Variants in GPC3 observed in about 807,000 individuals in gnomAD.
The protein encoded by GPC3 is glypican 3, also known as glypican-3.
A neutral mutation model predicts 34.4 loss-of-function variants in GPC3; 3 were observed. The observed-to-expected ratio is 0.09, with a 90% CI of 0.04 to 0.23. GPC3 has a LOEUF of 0.23. GPC3 is among the 10% of genes least tolerant of loss of function. The pLI is 1.00. For synonymous variants in GPC3, 177 were observed against 174.0 expected (o/e 1.02, Z -0.13); for missense variants, 351 against 445.6 (o/e 0.79, Z 1.91).
At chrX:133,603,827 A>T (rs1005716792) in intron 6 of GPC3, among the ~76,000 whole-genome samples, 10 of 112,141 alleles carry the variant, frequency 8.9e-5, no homozygotes, top group Non-Finnish European at 1.9e-4. Context: ...ACAAAAGGGT[A>T]TGGCAGCATG....
At chrX:133,880,693 C>T (rs2076037952) in intron 2 of GPC3, among the ~76,000 whole-genome samples, 1 of 111,708 alleles carries the variant, frequency 9.0e-6, no homozygotes, top group African/African-American at 3.2e-5. Context: ...ATCCAAAGAT[C>T]AGGAAAAAAG....
At chrX:133,926,309 C>A (rs2076274405) in intron 2 of GPC3, among the ~76,000 whole-genome samples, 1 of 111,948 alleles carries the variant, frequency 8.9e-6, no homozygotes, top group South Asian at 3.8e-4. Context: ...GTCTTATTTG[C>A]ATGGATGGCT....
At chrX:133,661,144 G>A (rs1024182472) in intron 6 of GPC3, among the ~76,000 whole-genome samples, 3 of 111,104 alleles carry the variant, frequency 2.7e-5, no homozygotes, top group Non-Finnish European at 5.6e-5. Context: ...CCTCCAGCCT[G>A]GGCAACAGAG....
At position 133,886,414 on chromosome X, in the gene GPC3, C is replaced by A. The variant is rs974539018; in HGVS notation, c.337+66636G>T. Among the ~76,000 whole-genome samples, 5 of 110,311 alleles carry A rather than the reference C, an allele frequency of 4.5e-5. 1 individual carries two copies. Among genetic ancestry groups the A allele is most frequent in the Admixed American group, 1.9e-4 (2 of 10,318 alleles). Reference sequence around the variant, plus strand: ...GGTTGGTCTGACACGAGGTAGAATTCTTTTTAAAAAAATTCATTAGATATT... The same window carrying A: ...GGTTGGTCTGACACGAGGTAGAATTATTTTTAAAAAAATTCATTAGATATT... On this transcript the variant is annotated intron_variant, in intron 2 of 7. Coordinates refer to ENST00000370818, the MANE Select transcript of GPC3 (RefSeq NM_004484.4).
At chrX:133,836,600 T>C (rs1024763858) in intron 2 of GPC3, among the ~76,000 whole-genome samples, 14 of 111,872 alleles carry the variant, frequency 1.3e-4, no homozygotes, top group African/African-American at 4.6e-4. Context: ...TAAACCAAAT[T>C]AGCATGTTAA....
chrX:133,782,331 A>C (rs2072055799), intron 2 of GPC3, among the ~76,000 whole-genome samples: 1 of 112,140 alleles, frequency 8.9e-6, no homozygotes, highest in Non-Finnish European at 1.9e-5. Context: ...CTATCTGAGA[A>C]GCACTTCTTA....
chrX:133,693,259 A>G (rs1385630857), intron 4 of GPC3, among the ~76,000 whole-genome samples: 1 of 108,000 alleles, frequency 9.3e-6, no homozygotes, highest in African/African-American at 3.4e-5. Flanking sequence ...TATGTCTGCA[A>G]TTGTATGTAA....
intron 7 of GPC3, among the ~76,000 whole-genome samples, chrX:133,577,353 CATAA>C (rs916549708): frequency 2.7e-5 from 3 of 112,288 alleles, no homozygotes; most frequent in African/African-American, 9.7e-5. Flanking sequence ...AAACAAATTG[CATAA>C]ATATATACAT....
chrX:133,599,768 A>G (rs777427077), intron 6 of GPC3, among the ~76,000 whole-genome samples: 4 of 112,056 alleles, frequency 3.6e-5, no homozygotes, highest in East Asian at 2.8e-4. Context: ...AATTTTTCAC[A>G]TAAGTAGAAT....
intron 7 of GPC3, among the ~76,000 whole-genome samples, chrX:133,577,236 A>T (rs1176835536): frequency 8.9e-6 from 1 of 112,458 alleles, no homozygotes; most frequent in Non-Finnish European, 1.9e-5. Flanking sequence ...GAAAATGGCA[A>T]CACGTCTATT....
At chrX:133,588,902 T>C (rs2069818882) in intron 7 of GPC3, among the ~76,000 whole-genome samples, 1 of 111,330 alleles carries the variant, frequency 9.0e-6, no homozygotes, top group African/African-American at 3.3e-5. Context: ...ATACTAATAA[T>C]ATTACCCTAA....
chrX:133,875,119 T>A (rs1361580819), intron 2 of GPC3, among the ~76,000 whole-genome samples: 1 of 112,017 alleles, frequency 8.9e-6, no homozygotes, highest in Non-Finnish European at 1.9e-5. Context: ...TAGAGAGTAG[T>A]GAGTTTGAAA....
intron 2 of GPC3, among the ~76,000 whole-genome samples, chrX:133,771,748 T>A (rs2071923051): frequency 8.9e-6 from 1 of 112,171 alleles, no homozygotes. Context: ...AAAACCAAAC[T>A]AGAGAAGTAA....
At chrX:133,942,290 T>C (rs1167853243) in intron 2 of GPC3, among the ~76,000 whole-genome samples, 1 of 112,211 alleles carries the variant, frequency 8.9e-6, no homozygotes, top group Non-Finnish European at 1.9e-5. Flanking sequence ...TCCAGGAATT[T>C]ATCCTGAGGA....
intron 5 of GPC3, among the ~76,000 whole-genome samples, chrX:133,673,808 G>A (rs2267505): frequency 0.031 from 3,438 of 112,437 alleles, 98 homozygotes; most frequent in East Asian, 0.19. Context: ...TTGAGATAAC[G>A]TGCTTAAGAC....
At position 133,950,069 on chromosome X, in the gene GPC3, G is replaced by C. The variant is rs771994767; in HGVS notation, c.337+2981C>G. On this transcript the variant is annotated intron_variant, in intron 2 of 7. Transcript: ENST00000370818. ...ATCATAACTATTATAAGGTAGGGGAGAAGAAAAAGAAAAAGAGAAAGGAAA... is the reference window on the plus strand; with the variant it reads ...ATCATAACTATTATAAGGTAGGGGACAAGAAAAAGAAAAAGAGAAAGGAAA... Among the ~76,000 whole-genome samples, 11 of 111,741 alleles carry C rather than the reference G, an allele frequency of 9.8e-5. No individual in the cohort carries two copies. In the Admixed American group the frequency reaches 1.0e-3, roughly 11 times the overall value.
intron 6 of GPC3, among the ~76,000 whole-genome samples, chrX:133,627,123 C>A (rs1340089248): frequency 1.0e-4 from 9 of 87,996 alleles, no homozygotes; most frequent in Admixed American, 1.5e-4. Flanking sequence ...ATGAAAACAA[C>A]TGGACACAGG....
intron 3 of GPC3, among the ~76,000 whole-genome samples, chrX:133,713,619 C>G (rs1451611328): frequency 4.5e-5 from 5 of 111,938 alleles, no homozygotes; most frequent in African/African-American, 1.6e-4. Flanking sequence ...AAATGTAACA[C>G]TATTTTTACT....
intron 2 of GPC3, among the ~76,000 whole-genome samples, chrX:133,876,988 C>T (rs914460970): frequency 2.7e-5 from 3 of 111,640 alleles, no homozygotes; most frequent in African/African-American, 9.8e-5. Context: ...TTTTCAATGT[C>T]TTGATGCTGA....
Sources: gnomAD v4.1 joint callset for allele counts (sites outside exome capture counted in the v4.1 genomes callset) on GRCh38, gnomAD v4.1.1 for gene constraint, MANE v1.5 for transcripts, NCBI Gene and HGNC (gene_info 2026-07-23, HGNC 2026-07-21) for gene names.